CHRDL1: variants seen among roughly 807,000 people sequenced by gnomAD.
CHRDL1 encodes the protein chordin like 1, also known as chordin-like protein 1.
A neutral mutation model predicts 40.9 loss-of-function variants in CHRDL1; 19 were observed. The ratio of observed to expected loss-of-function variants is 0.46; its 90% CI spans 0.32 to 0.68. The LOEUF (loss-of-function observed/expected upper bound fraction) is 0.68. Ranked by LOEUF, CHRDL1 falls within the 30% of genes least tolerant of loss-of-function variation. The probability of loss-of-function intolerance (pLI) is 0.03; values close to 1 mark genes in which losing one functional copy is unlikely to be tolerated. For synonymous variants in CHRDL1, 136 were observed against 123.4 expected, an observed-to-expected ratio of 1.10 and a Z score of -0.68; for missense variants, 329 against 352.1, an observed-to-expected ratio of 0.93 and a Z score of 0.53.
intron 2 of CHRDL1, among the ~76,000 whole-genome samples, chrX:110,768,250 G>A (rs1203965060): frequency 8.9e-6 from 1 of 112,163 alleles, no homozygotes; most frequent in African/African-American, 3.2e-5. Context: ...TTTGAGCACT[G>A]TCAGGCAATA....
At chrX:110,716,879 T>A (rs1427224446) in intron 6 of CHRDL1, among the ~76,000 whole-genome samples, 1 of 111,519 alleles carries the variant, frequency 9.0e-6, no homozygotes, top group Non-Finnish European at 1.9e-5. Flanking sequence ...ACAGCCCTTT[T>A]GTCTCCTTTT....
intron 2 of CHRDL1, among the ~76,000 whole-genome samples, chrX:110,772,450 C>T (rs2089775907): frequency 8.9e-6 from 1 of 112,602 alleles, no homozygotes; most frequent in Admixed American, 9.3e-5. Context: ...ACTAGCCTGG[C>T]CAACCTGGTG....
rs151151595 is a variant in CHRDL1, at chrX:110,768,460, G to A, written c.95-5653C>T. Among the ~76,000 whole-genome samples, 184 of 110,387 alleles carry A rather than the reference G, an allele frequency of 1.7e-3. 1 individual carries two copies. The highest frequency in any genetic ancestry group is 5.8e-3 in the African/African-American group (175 of 30,338). Reference sequence around the variant, plus strand: ...GGTGTCTCTGGGTGTTTTTGGATGTGGCCAGAGGAGATTAACATTTGAGTC... The same window carrying A: ...GGTGTCTCTGGGTGTTTTTGGATGTAGCCAGAGGAGATTAACATTTGAGTC... On this transcript the variant is annotated intron_variant, in intron 2 of 11. Transcript: ENST00000372042.
At chrX:110,699,137 C>T (rs2070460583) in intron 7 of CHRDL1, among the ~76,000 whole-genome samples, 1 of 111,857 alleles carries the variant, frequency 8.9e-6, no homozygotes. Flanking sequence ...TTCTCCAAAC[C>T]CCTTTCCCCA....
rs756670007 is a variant in CHRDL1 at position 110,745,480 on chromosome X, G to A, written c.301+14181C>T. 8.1e-5 allele frequency among the ~76,000 whole-genome samples: 9 copies of A among 111,284 alleles called. No homozygotes were observed. In the South Asian group the frequency reaches 3.5e-3, roughly 43 times the overall value. ...ACAGACCATACTCAACTGCAGTCAC[G>A]GATCCCACACATGCCTCTGCACGTG... On this transcript the variant is annotated intron_variant, in intron 4 of 11. Coordinates refer to ENST00000372042, the MANE Select transcript of CHRDL1 (RefSeq NM_001143981.2).
intron 4 of CHRDL1, among the ~76,000 whole-genome samples, chrX:110,726,140 A>T: frequency 9.0e-6 from 1 of 111,344 alleles, no homozygotes; most frequent in South Asian, 4.0e-4. Context: ...ACAGTGATGC[A>T]AGAGAAGATA....
At chrX:110,681,721 T>C in intron 9 of CHRDL1, 72 bp from the exon 10 acceptor site, 1 of 766,653 alleles carries the variant, frequency 1.3e-6, no homozygotes, top group Non-Finnish European at 2.0e-6. Context: ...CATTTATGTA[T>C]CTCATTGTTC....
At chrX:110,733,655 C>T (rs2071208773) in intron 4 of CHRDL1, among the ~76,000 whole-genome samples, 1 of 111,344 alleles carries the variant, frequency 9.0e-6, no homozygotes, top group African/African-American at 3.3e-5. Flanking sequence ...TGACTGTAAT[C>T]CCAGCACTTT....
In CHRDL1 at chrX:110,764,494, A is replaced by G. The variant is rs2089624942; in HGVS notation, c.95-1687T>C. ...TTAATCCTGTTATCTTCGTAAGCTAAGGATGTACATCACCTCAGTGCCACT... is the reference window on the plus strand; with the variant it reads ...TTAATCCTGTTATCTTCGTAAGCTAGGGATGTACATCACCTCAGTGCCACT... On this transcript the variant is annotated intron_variant, in intron 2 of 11. Coordinates refer to ENST00000372042, the MANE Select transcript of CHRDL1 (RefSeq NM_001143981.2). Among the ~76,000 whole-genome samples, 4 of 112,407 alleles carry G rather than the reference A, an allele frequency of 3.6e-5. No homozygotes were observed. The South Asian group carries it at 1.5e-3, about 41-fold the overall frequency.
intron 4 of CHRDL1, among the ~76,000 whole-genome samples, chrX:110,751,947 A>G (rs1191506654): frequency 1.8e-5 from 2 of 112,462 alleles, no homozygotes; most frequent in Non-Finnish European, 3.8e-5. Flanking sequence ...GCCATAAAAA[A>G]TAAAGAAATC....
At chrX:110,764,119 C>T (rs2089616735) in intron 2 of CHRDL1, among the ~76,000 whole-genome samples, 1 of 111,084 alleles carries the variant, frequency 9.0e-6, no homozygotes, top group Non-Finnish European at 1.9e-5. Context: ...CTGATTTGTT[C>T]ATTGTAAATT....
intron 1 of CHRDL1, 184 bp downstream of exon 1, chrX:110,795,560 C>T (rs2090167175): frequency 1.8e-5 from 2 of 111,359 alleles, no homozygotes; most frequent in Admixed American, 1.9e-4. Context: ...TGGTCAGAAG[C>T]CTTGGGCCCC....
rs191065448 is a variant in CHRDL1, at chrX:110,786,820, C to T, written c.94+5268G>A. On this transcript the variant is annotated intron_variant, in intron 2 of 11. Transcript: ENST00000372042. ...AGTCCTTGTCTCAGTCTTTTAACTCCCAAATAGTATACTATCCCTCTTAGG... is the reference window on the plus strand; with the variant it reads ...AGTCCTTGTCTCAGTCTTTTAACTCTCAAATAGTATACTATCCCTCTTAGG... Among the ~76,000 whole-genome samples, 22 of 112,073 alleles carry T rather than the reference C, an allele frequency of 2.0e-4. No individual in the cohort carries two copies. In the South Asian group the frequency reaches 6.3e-3, roughly 32 times the overall value.
intron 1 of CHRDL1, among the ~76,000 whole-genome samples, chrX:110,794,944 C>T (rs1442095211): frequency 8.9e-6 from 1 of 112,518 alleles, no homozygotes; most frequent in Non-Finnish European, 1.9e-5. Context: ...CCCCACTCTA[C>T]CACCCAGCAA....
At chrX:110,679,556 T>C in intron 10 of CHRDL1, 131 bp from the exon 11 acceptor site, 1 of 481,951 alleles carries the variant, frequency 2.1e-6, no homozygotes, top group Non-Finnish European at 3.7e-6. Context: ...GGCTGTGTAA[T>C]GTGCTTAACC....
chrX:110,740,530 G>A (rs1189152357), intron 4 of CHRDL1, among the ~76,000 whole-genome samples: 1 of 112,575 alleles, frequency 8.9e-6, no homozygotes, highest in African/African-American at 3.2e-5. Context: ...CTAAGACAAA[G>A]AGGTAGTATG....
chrX:110,776,782 G>C (rs2089860305), intron 2 of CHRDL1, among the ~76,000 whole-genome samples: 2 of 110,593 alleles, frequency 1.8e-5, no homozygotes, highest in Non-Finnish European at 3.8e-5. Flanking sequence ...AGTGTCCCCA[G>C]TTATCAATAT....
intron 8 of CHRDL1, among the ~76,000 whole-genome samples, chrX:110,689,530 ATATATCTC>A (rs1359991327): frequency 4.0e-5 from 2 of 50,537 alleles, no homozygotes; most frequent in East Asian, 3.5e-4. Context: ...ATATCTATCT[ATATATCTC>A]TATATCTCTA....
intron 5 of CHRDL1, 34 bp from the exon 6 acceptor site, chrX:110,719,962 A>T (rs780630666): frequency 8.7e-5 from 85 of 978,395 alleles, no homozygotes; most frequent in Non-Finnish European, 1.2e-4. Flanking sequence ...GATTAGAAGC[A>T]TCTAGGATAA....
Sources: gnomAD v4.1 joint callset for allele counts (sites outside exome capture counted in the v4.1 genomes callset) on GRCh38, gnomAD v4.1.1 for gene constraint, MANE v1.5 for transcripts, NCBI Gene and HGNC (gene_info 2026-07-23, HGNC 2026-07-21) for gene names.